ATP6V1H: variants seen among roughly 807,000 people sequenced by gnomAD.
The protein encoded by ATP6V1H is V-type proton ATPase subunit H.
In ATP6V1H, 39 loss-of-function variants were observed where a neutral mutation model predicts 71.7. That is an observed-to-expected ratio of 0.54 (90% CI 0.42 to 0.71). The LOEUF (loss-of-function observed/expected upper bound fraction) is 0.71. ATP6V1H is among the 30% of genes least tolerant of loss of function. The pLI, the probability that ATP6V1H is intolerant of heterozygous loss-of-function variation, is 0.00. For missense variants in ATP6V1H, 509 were observed against 594.9 expected (o/e 0.86, Z 1.50); for synonymous variants, 192 against 199.3 (o/e 0.96, Z 0.31).
At chr8:53,838,399 G>A (rs1454506096) in intron 2 of ATP6V1H, among the ~76,000 whole-genome samples, 15 of 152,250 alleles carry the variant, frequency 9.9e-5, no homozygotes, top group East Asian at 3.9e-4. Flanking sequence ...GATTACAGGC[G>A]TGAGCCACCG....
At chr8:53,812,801 C>T (rs1447997954) in intron 6 of ATP6V1H, among the ~76,000 whole-genome samples, 1 of 152,178 alleles carries the variant, frequency 6.6e-6, no homozygotes, top group Non-Finnish European at 1.5e-5. Context: ...CTCAGGTGAT[C>T]CTTCTGCCTC....
At chr8:53,817,355 T>C (rs1219155522) in intron 5 of ATP6V1H, 62 bp downstream of exon 5, 55 of 1,137,294 alleles carry the variant, frequency 4.8e-5, no homozygotes, top group Non-Finnish European at 6.4e-5. Context: ...CTGGACAACA[T>C]AGTGAGACCC....
chr8:53,807,134 A>G (rs981700185), intron 7 of ATP6V1H, among the ~76,000 whole-genome samples: 2 of 152,240 alleles, frequency 1.3e-5, no homozygotes, highest in East Asian at 3.8e-4. Context: ...TGATGGACTT[A>G]TAATCAAAGC....
At chr8:53,831,587 A>C (rs1259072654) in intron 3 of ATP6V1H, among the ~76,000 whole-genome samples, 1 of 152,200 alleles carries the variant, frequency 6.6e-6, no homozygotes, top group Non-Finnish European at 1.5e-5. Flanking sequence ...CAAAATGACC[A>C]AAAGATGAAT....
chr8:53,745,210 C>A (rs1807554721), intron 12 of ATP6V1H, among the ~76,000 whole-genome samples: 1 of 151,996 alleles, frequency 6.6e-6, no homozygotes, highest in African/African-American at 2.4e-5. Context: ...GCCTGGACAA[C>A]ACAATGAGAT....
In ATP6V1H at chr8:53,833,072, G is replaced by A; in HGVS notation, c.128C>T (p.Ser43Phe). ...WQSYLQGQMI[S>F]AEDCEFIQRF... The stretch of plus-strand genomic sequence containing the variant: ...CTGAATAAACTCACAATCTTCAGCA[G>A]AAATCATCTGTCCCCTAGAAAGTAA... Residue 43 changes from serine (S) to phenylalanine (F), a missense_variant, in exon 3 of 14, where the codon TCT (serine) becomes TTT (phenylalanine). Ser to Phe is a radical substitution (Grantham distance 155, BLOSUM62 -2). Transcript: ENST00000359530. 6.2e-7 allele frequency: 1 copy of A among 1,613,024 alleles called. No individual in the cohort carries two copies. The highest frequency in any genetic ancestry group is 8.5e-7 in the Non-Finnish European group (1 of 1,179,222).
chr8:53,831,436 TAC>T (rs1811002615), intron 3 of ATP6V1H, among the ~76,000 whole-genome samples: 1 of 152,226 alleles, frequency 6.6e-6, no homozygotes, highest in South Asian at 2.1e-4. Context: ...CGCTATTACA[TAC>T]ACAGTCCAAC....
chr8:53,833,173 C>T (rs966375380), intron 2 of ATP6V1H, 87 bp from the exon 3 acceptor site: 1 of 1,036,986 alleles, frequency 9.6e-7, no homozygotes, highest in Non-Finnish European at 1.4e-6. Context: ...TCTCTTCTCT[C>T]CTTGGCAGCA....
In ATP6V1H at chr8:53,833,671, G is replaced by A. The variant is rs116651386; in HGVS notation, c.114-585C>T. Among the ~76,000 whole-genome samples, 481 of 151,584 alleles carry A rather than the reference G, an allele frequency of 3.2e-3. 3 individuals are homozygous for A. The highest frequency in any genetic ancestry group is 0.011 in the African/African-American group (454 of 41,300). On this transcript the variant is annotated intron_variant, in intron 2 of 13. Transcript: ENST00000359530. ...GGGGTCGCTTCATCACTGGCTCTTC[G>A]CCCTTCAAGGCTCCTCCCCAGCACT...
At chr8:53,726,699 T>A in intron 13 of ATP6V1H, among the ~76,000 whole-genome samples, 1 of 152,194 alleles carries the variant, frequency 6.6e-6, no homozygotes, top group Non-Finnish European at 1.5e-5. Context: ...TAGAGATGTG[T>A]AAAGATTCAA....
chr8:53,737,862 G>GAA (rs1807276157), intron 13 of ATP6V1H, among the ~76,000 whole-genome samples: 2 of 152,150 alleles, frequency 1.3e-5, no homozygotes, highest in African/African-American at 4.8e-5. Context: ...ACAATAGGCT[G>GAA]ATACTCTTCC....
chr8:53,749,587 C>T (rs955077539), intron 12 of ATP6V1H, among the ~76,000 whole-genome samples: 3 of 152,128 alleles, frequency 2.0e-5, no homozygotes, highest in Non-Finnish European at 4.4e-5. Flanking sequence ...CGGCTTATAA[C>T]TGAGCTTTTA....
chr8:53,772,916 A>C (rs971229456), intron 9 of ATP6V1H, among the ~76,000 whole-genome samples: 8 of 151,558 alleles, frequency 5.3e-5, no homozygotes, highest in South Asian at 2.1e-4. Context: ...AAAAAAAAAA[A>C]AAAAAACAAA....
At chr8:53,779,840 T>C (rs1278294590) in intron 9 of ATP6V1H, among the ~76,000 whole-genome samples, 1 of 152,202 alleles carries the variant, frequency 6.6e-6, no homozygotes, top group Non-Finnish European at 1.5e-5. Context: ...ATGTATTTGT[T>C]GACCAGAGAA....
intron 6 of ATP6V1H, among the ~76,000 whole-genome samples, chr8:53,814,184 T>G (rs942317842): frequency 6.6e-6 from 1 of 151,906 alleles, no homozygotes; most frequent in African/African-American, 2.4e-5. Context: ...TTCAGAGAGC[T>G]CTCCAAAAAC....
chr8:53,798,258 G>A (rs1809805709), intron 8 of ATP6V1H, among the ~76,000 whole-genome samples: 1 of 152,220 alleles, frequency 6.6e-6, no homozygotes, highest in South Asian at 2.1e-4. Flanking sequence ...AGGCAAGGTG[G>A]CTCATGCCTA....
chr8:53,802,789 T>C (rs1178956622), intron 7 of ATP6V1H, among the ~76,000 whole-genome samples: 2 of 152,120 alleles, frequency 1.3e-5, no homozygotes, highest in South Asian at 2.1e-4. Context: ...AGGAACTCAA[T>C]AAATAAAAAC....
chr8:53,822,451 TA>T (rs1810693648), intron 4 of ATP6V1H, among the ~76,000 whole-genome samples: 1 of 152,158 alleles, frequency 6.6e-6, no homozygotes, highest in Admixed American at 6.5e-5. Context: ...AAAATACTAT[TA>T]AAAATGACAA....
chr8:53,745,490 G>A (rs746776439), intron 12 of ATP6V1H, among the ~76,000 whole-genome samples: 4 of 152,134 alleles, frequency 2.6e-5, no homozygotes, highest in African/African-American at 9.7e-5. Context: ...GCCCCACTGA[G>A]CTTCACAGAG....
Sources: allele counts gnomAD v4.1 joint callset (sites outside exome capture counted in the v4.1 genomes callset), GRCh38; gene constraint gnomAD v4.1.1; transcripts MANE v1.5; gene names NCBI Gene and HGNC (gene_info 2026-07-23, HGNC 2026-07-21).